The following PPP2R5C variants were observed in gnomAD, a reference collection of about 807,000 sequenced individuals.
The protein encoded by PPP2R5C is serine/threonine-protein phosphatase 2A 56 kDa regulatory subunit gamma isoform.
In PPP2R5C, 7 loss-of-function variants were observed where a neutral mutation model predicts 68.9. The ratio of observed to expected loss-of-function variants is 0.10; its 90% CI spans 0.06 to 0.19. The LOEUF is 0.19. Ranked by LOEUF, PPP2R5C falls within the 10% of genes least tolerant of loss-of-function variation. PPP2R5C has a pLI of 1.00. For missense variants in PPP2R5C, 348 were observed against 641.3 expected (o/e 0.54, Z 4.94); for synonymous variants, 210 against 222.2 (o/e 0.95, Z 0.49).
rs573257183 is a variant in PPP2R5C at position 101,771,530 on chromosome 14, C to A, written c.93+8560C>A. Among the ~76,000 whole-genome samples, 4 of 152,238 alleles carry A rather than the reference C, an allele frequency of 2.6e-5. No individual in the cohort carries two copies. In the South Asian group the frequency reaches 8.3e-4, roughly 32 times the overall value. On this transcript the variant is annotated intron_variant, in intron 2 of 14. Coordinates refer to the PPP2R5C transcript ENST00000328724. ...TGGATCATGAGGTCAGGAGTCAAGA[C>A]CAGCCTGGCCAAGATGGTGAAACCC...
chr14:101,824,017 C>T, intron 1 of PPP2R5C: 2 of 1,289,172 alleles, frequency 1.6e-6, no homozygotes, highest in South Asian at 2.5e-5. Context: ...TCACTAGGCA[C>T]AGTGCCCACT....
At chr14:101,815,090 C>T (rs2039576113) in intron 1 of PPP2R5C, among the ~76,000 whole-genome samples, 1 of 152,208 alleles carries the variant, frequency 6.6e-6, no homozygotes, top group Non-Finnish European at 1.5e-5. Flanking sequence ...CCTCTGTTCT[C>T]TCTCTGAATC....
intron 1 of PPP2R5C, among the ~76,000 whole-genome samples, chr14:101,826,572 C>T (rs1381356076): frequency 1.3e-5 from 2 of 152,168 alleles, no homozygotes; most frequent in Admixed American, 6.5e-5. Flanking sequence ...AGTGTGAACT[C>T]TCCTACTTTG....
intron 1 of PPP2R5C, among the ~76,000 whole-genome samples, chr14:101,832,628 A>T (rs2040815975): frequency 6.6e-6 from 1 of 152,148 alleles, no homozygotes; most frequent in Non-Finnish European, 1.5e-5. Flanking sequence ...GTGGAGACAC[A>T]CTTGGGCTTG....
At chr14:101,819,276 A>G in intron 1 of PPP2R5C, 1 of 521,188 alleles carries the variant, frequency 1.9e-6, no homozygotes, top group African/African-American at 1.9e-5. Context: ...AGCAGTGTTC[A>G]CCCTGGGCAG....
intron 1 of PPP2R5C, among the ~76,000 whole-genome samples, chr14:101,829,969 T>C (rs945166308): frequency 1.3e-5 from 2 of 152,192 alleles, no homozygotes; most frequent in African/African-American, 4.8e-5. Context: ...TTTCAAAACT[T>C]GTTTCTATTT....
chr14:101,883,849 C>G (rs192672746), intron 5 of PPP2R5C, among the ~76,000 whole-genome samples: 45 of 152,284 alleles, frequency 3.0e-4, no homozygotes, highest in Admixed American at 2.9e-3. Flanking sequence ...ACTGAAAGGT[C>G]AAGTTTCCTG....
intron 2 of PPP2R5C, among the ~76,000 whole-genome samples, chr14:101,871,649 C>T (rs943505358): frequency 2.6e-5 from 4 of 151,994 alleles, no homozygotes; most frequent in African/African-American, 9.7e-5. Context: ...GTACCACCTT[C>T]CTATTTTTTT....
At chr14:101,827,909 G>A (rs1447849471) in intron 1 of PPP2R5C, among the ~76,000 whole-genome samples, 1 of 151,928 alleles carries the variant, frequency 6.6e-6, no homozygotes, top group African/African-American at 2.4e-5. Context: ...CCTCATATTG[G>A]AAGTGAGATA....
In PPP2R5C at chr14:101,781,684, G is replaced by A. The variant is rs2037700891; in HGVS notation, c.94-4334G>A. On this transcript the variant is annotated intron_variant, in intron 2 of 14. Coordinates refer to the PPP2R5C transcript ENST00000328724. This position sits in a 1 kb window ranked among gnomAD's most constrained non-coding sequence, Gnocchi z 6.4. ...GGGTCCCGCCTTTGCCCCGGCCTCC[G>A]CTGCCTCGCCCCGGAGCCCGGAGGA... Among the ~76,000 whole-genome samples the A allele has an allele frequency of 6.6e-6, 1 of 152,108 alleles. No individual in the cohort carries two copies. Among genetic ancestry groups the A allele is most frequent in the Non-Finnish European group, 1.5e-5 (1 of 67,990 alleles).
upstream of PPP2R5C, among the ~76,000 whole-genome samples, chr14:101,761,443 G>C (rs2036519702): frequency 6.6e-6 from 1 of 151,540 alleles, no homozygotes; most frequent in African/African-American, 2.4e-5. Flanking sequence ...CCTGAGGCCG[G>C]CTCGCAGCGA....
At chr14:101,910,731 G>A (rs2046335242) in intron 11 of PPP2R5C, among the ~76,000 whole-genome samples, 1 of 151,894 alleles carries the variant, frequency 6.6e-6, no homozygotes, top group Admixed American at 6.6e-5. Context: ...GCTTTGGGAG[G>A]CCGATGCAGG....
At chr14:101,865,046 T>G (rs2140685089) in intron 2 of PPP2R5C, among the ~76,000 whole-genome samples, 1 of 152,268 alleles carries the variant, frequency 6.6e-6, no homozygotes, top group African/African-American at 2.4e-5. Flanking sequence ...TGGATTTGTT[T>G]GAGATTCCTG....
intron 13 of PPP2R5C, among the ~76,000 whole-genome samples, 158 bp from the exon 16 acceptor site, chr14:101,924,983 A>G (rs532507698): frequency 1.1e-4 from 16 of 152,228 alleles, no homozygotes; most frequent in Non-Finnish European, 1.9e-4. Context: ...GCAAATTTCC[A>G]TGATAAGACC....
Position 101,791,074 on chromosome 14 carries a change from C to T in PPP2R5C, c.259+4891C>T, listed in dbSNP as rs535646004. On this transcript the variant is annotated intron_variant, in intron 3 of 14. Coordinates refer to the PPP2R5C transcript ENST00000328724. ...CAGCCTGGGCAACAGAGCAAGACTC[C>T]GTCTCAAAAAAAGAAAAAAGAAAAG... Among the ~76,000 whole-genome samples, 11 of 151,954 alleles carry T rather than the reference C, an allele frequency of 7.2e-5. No individual in the cohort carries two copies. The East Asian group carries it at 1.7e-3, about 24-fold the overall frequency.
Position 101,885,573 on chromosome 14 carries a change from A to G in PPP2R5C, c.629+2011A>G, listed in dbSNP as rs546462719. 2.7e-4 allele frequency among the ~76,000 whole-genome samples: 41 copies of G among 152,210 alleles called. No homozygotes were observed. The Middle Eastern group carries it at 0.014, about 51-fold the overall frequency. Reference sequence around the variant, plus strand: ...GTCATAAGGGTTGCATTCCCTCCTGACCTGCACACCTGATAGGGCATTTCG... The same window carrying G: ...GTCATAAGGGTTGCATTCCCTCCTGGCCTGCACACCTGATAGGGCATTTCG... On this transcript the variant is annotated intron_variant, in intron 5 of 13. Transcript: ENST00000334743.
chr14:101,863,894 T>C (rs2042907645), intron 2 of PPP2R5C, among the ~76,000 whole-genome samples: 1 of 151,992 alleles, frequency 6.6e-6, no homozygotes, highest in Non-Finnish European at 1.5e-5. Flanking sequence ...AATAAGACTC[T>C]GTCTCAAAAA....
chr14:101,831,754 A>G, intron 1 of PPP2R5C: 1 of 702,582 alleles, frequency 1.4e-6, no homozygotes, highest in Non-Finnish European at 2.6e-6. Flanking sequence ...AACTTTTCAT[A>G]CGCACGGGTT....
intron 6 of PPP2R5C, among the ~76,000 whole-genome samples, chr14:101,890,926 C>A (rs980998305): frequency 7.9e-5 from 12 of 151,918 alleles, no homozygotes; most frequent in African/African-American, 2.7e-4. Flanking sequence ...GTGCCCGCCA[C>A]CATGCCTGGC....
Sources: gnomAD v4.1 joint callset for allele counts (sites outside exome capture counted in the v4.1 genomes callset) on GRCh38, gnomAD v4.1.1 for gene constraint, Gnocchi (gnomAD v3.1) non-coding constraint, MANE v1.5 for transcripts, NCBI Gene and HGNC (gene_info 2026-07-23, HGNC 2026-07-21) for gene names.